GARNL3: variants seen among roughly 807,000 people sequenced by gnomAD.
GARNL3 encodes the protein GTPase-activating Rap/Ran-GAP domain-like protein 3.
GARNL3 carries 63 observed loss-of-function variants against 125.0 expected under a neutral mutation model. That is an observed-to-expected ratio of 0.50 (90% CI 0.41 to 0.62). GARNL3 has a LOEUF of 0.62. GARNL3 is among the 20% of genes least tolerant of loss of function. GARNL3 has a pLI of 0.00. For missense variants in GARNL3, 994 were observed against 1,244.0 expected (o/e 0.80, Z 3.02); for synonymous variants, 439 against 457.5 (o/e 0.96, Z 0.52).
At chr9:127,338,625 G>A (rs573800673) in intron 12 of GARNL3, among the ~76,000 whole-genome samples, 2 of 151,752 alleles carry the variant, frequency 1.3e-5, no homozygotes, top group South Asian at 4.2e-4. Flanking sequence ...TGTGTAGAGT[G>A]AAGGTAATGA....
intron 2 of GARNL3, among the ~76,000 whole-genome samples, chr9:127,253,007 A>G (rs2063433242): frequency 1.3e-5 from 2 of 152,216 alleles, no homozygotes; most frequent in Admixed American, 1.3e-4. Flanking sequence ...GCATTGTATT[A>G]ACCTCTGAAA....
intron 17 of GARNL3, 174 bp from the exon 18 acceptor site, chr9:127,353,672 T>C (rs1830528066): frequency 1.6e-6 from 1 of 634,468 alleles, no homozygotes; most frequent in Non-Finnish European, 2.8e-6. Context: ...CTTCCTGAGC[T>C]AGGAGGAGAA....
intron 2 of GARNL3, among the ~76,000 whole-genome samples, chr9:127,293,170 C>T (rs958406992): frequency 1.3e-5 from 2 of 152,142 alleles, no homozygotes; most frequent in African/African-American, 4.8e-5. Flanking sequence ...GGGCACTTGA[C>T]TTCCAGAGGG....
At chr9:127,300,434 A>G in intron 2 of GARNL3, 2 of 407,636 alleles carry the variant, frequency 4.9e-6, no homozygotes, top group South Asian at 1.8e-5. Context: ...CTGTTCCTTG[A>G]CCCTCATTAA....
intron 1 of GARNL3, chr9:127,225,381 G>T: frequency 1.0e-6 from 1 of 984,892 alleles, no homozygotes; most frequent in Non-Finnish European, 1.2e-6. Context: ...GCGGCGCAGG[G>T]GGTGCAGCTT....
intron 1 of GARNL3, among the ~76,000 whole-genome samples, chr9:127,288,979 G>C (rs1357341131): frequency 6.6e-6 from 1 of 152,076 alleles, no homozygotes; most frequent in Non-Finnish European, 1.5e-5. Context: ...CTCTTTTCTT[G>C]CCAAGTCCAG....
chr9:127,337,146 C>G (rs1382271772), intron 11 of GARNL3, among the ~76,000 whole-genome samples: 1 of 152,060 alleles, frequency 6.6e-6, no homozygotes, highest in African/African-American at 2.4e-5. Context: ...TATGCACTTG[C>G]ACCTTCATTA....
intron 6 of GARNL3, among the ~76,000 whole-genome samples, chr9:127,321,573 AT>A (rs906548665): frequency 2.4e-4 from 37 of 152,348 alleles, no homozygotes; most frequent in Middle Eastern, 3.4e-3. Flanking sequence ...AGGGAAAACA[AT>A]CTGCCTTAGG....
intron 22 of GARNL3, among the ~76,000 whole-genome samples, chr9:127,381,208 T>C (rs1564197011): frequency 6.6e-6 from 1 of 152,198 alleles, no homozygotes; most frequent in African/African-American, 2.4e-5. Context: ...ATGAATTTTG[T>C]GGTCTATAAA....
At chr9:127,343,024 A>G (rs1829951854) in intron 14 of GARNL3, among the ~76,000 whole-genome samples, 1 of 151,352 alleles carries the variant, frequency 6.6e-6, no homozygotes, top group African/African-American at 2.4e-5. Context: ...CAGCCTCCCA[A>G]GTAGCTGGGG....
chr9:127,308,652 C>A (rs1462332930), intron 2 of GARNL3, among the ~76,000 whole-genome samples: 1 of 152,080 alleles, frequency 6.6e-6, no homozygotes, highest in Non-Finnish European at 1.5e-5. Context: ...ATGAAATGAT[C>A]CTGTACTGAA....
chr9:127,374,340 TCA>T (rs550570805), intron 22 of GARNL3, among the ~76,000 whole-genome samples: 27 of 151,906 alleles, frequency 1.8e-4, no homozygotes, highest in Non-Finnish European at 2.9e-4. Context: ...AAGACTCCTC[TCA>T]CATCAGATTT....
At chr9:127,265,094 C>A in intron 1 of GARNL3, 73 bp downstream of exon 1, 1 of 1,356,146 alleles carries the variant, frequency 7.4e-7, no homozygotes, top group Non-Finnish European at 1.0e-6. Context: ...CTCATCAGAT[C>A]TTTTGTTGTA....
At chr9:127,299,210 G>A (rs568800809) in intron 2 of GARNL3, among the ~76,000 whole-genome samples, 9 of 151,398 alleles carry the variant, frequency 5.9e-5, no homozygotes, top group South Asian at 2.1e-4. Context: ...CCAGCTACTC[G>A]GGAAGCTGAG....
chr9:127,300,628 T>A (rs953723675), intron 2 of GARNL3: 5 of 293,684 alleles, frequency 1.7e-5, no homozygotes, highest in Admixed American at 9.6e-5. Context: ...CTAATTTTTG[T>A]ATTGTTAGTA....
chr9:127,391,146 G>A (rs764506539), intron 27 of GARNL3, among the ~76,000 whole-genome samples: 2 of 151,854 alleles, frequency 1.3e-5, no homozygotes, highest in African/African-American at 2.4e-5. Flanking sequence ...GTAGCCGGGC[G>A]TGGTGGCACA....
In GARNL3 at chr9:127,349,339, C is replaced by T. The variant is rs113638611; in HGVS notation, c.1543+304C>T. On this transcript the variant is annotated intron_variant, in intron 17 of 27. Coordinates refer to ENST00000373387, the MANE Select transcript of GARNL3 (RefSeq NM_032293.5). Reference sequence around the variant, plus strand: ...CAGCCAATACTTATTATCACTCCAACATTTTACTTTAAATCAACAAGGATA... The same window carrying T: ...CAGCCAATACTTATTATCACTCCAATATTTTACTTTAAATCAACAAGGATA... Among the ~76,000 whole-genome samples, 150 of 151,962 alleles carry T rather than the reference C, an allele frequency of 9.9e-4. 1 individual carries two copies. Among genetic ancestry groups the T allele is most frequent in the African/African-American group, 3.4e-3 (143 of 41,498 alleles).
chr9:127,224,686 T>A (rs1480527283), intron 1 of GARNL3: 2 of 150,742 alleles, frequency 1.3e-5, no homozygotes, highest in Non-Finnish European at 2.9e-5. Flanking sequence ...GAAGCAGAGG[T>A]TTGGGGTGAG....
chr9:127,376,253 C>T (rs747939406), intron 22 of GARNL3, among the ~76,000 whole-genome samples: 3 of 152,132 alleles, frequency 2.0e-5, no homozygotes, highest in Non-Finnish European at 4.4e-5. Context: ...AGCCACTGCA[C>T]CCAGCCTCTT....
Sources: gnomAD v4.1 joint callset for allele counts (sites outside exome capture counted in the v4.1 genomes callset) on GRCh38, gnomAD v4.1.1 for gene constraint, MANE v1.5 for transcripts, NCBI Gene and HGNC (gene_info 2026-07-23, HGNC 2026-07-21) for gene names.